The following TBCK variants were observed in gnomAD, a reference collection of about 807,000 sequenced individuals.
TBCK encodes the protein TBC1 domain containing kinase.
A neutral mutation model predicts 113.4 loss-of-function variants in TBCK; 99 were observed. The observed-to-expected ratio is 0.87, with a 90% CI of 0.74 to 1.03. The LOEUF is 1.03. TBCK is among the 50% of genes least tolerant of loss of function. The probability of loss-of-function intolerance (pLI) is 0.00; values close to 1 mark genes in which losing one functional copy is unlikely to be tolerated. For missense variants in TBCK, 1,045 were observed against 1,061.3 expected (o/e 0.98, Z 0.21); for synonymous variants, 369 against 370.8 (o/e 1.00, Z 0.05).
intron 19 of TBCK, among the ~76,000 whole-genome samples, chr4:106,220,587 T>C (rs1020170894): frequency 1.3e-5 from 2 of 151,992 alleles, no homozygotes; most frequent in Non-Finnish European, 2.9e-5. Context: ...CCTCATTTAA[T>C]GTGAACTTTT....
intron 23 of TBCK, among the ~76,000 whole-genome samples, chr4:106,126,122 AC>A (rs1438770498): frequency 3.9e-5 from 6 of 152,304 alleles, no homozygotes; most frequent in Non-Finnish European, 5.9e-5. Flanking sequence ...GAAAGCCACA[AC>A]CTGTGCATTT....
Position 106,046,488 on chromosome 4 carries a change from G to A in TBCK, c.*82C>T. The A allele has an allele frequency of 1.4e-6, 1 of 736,418 alleles. No individual in the cohort carries two copies. The highest frequency in any genetic ancestry group is 1.7e-5 in the South Asian group (1 of 58,060). 45.6% of individuals were successfully genotyped at this position (736,418 alleles called of 1,614,324 possible). A position where few individuals can be genotyped will look rare whatever the true frequency, so the allele number is the denominator to read the frequency against. ...TGCAACAATCTGGACATCTAGTTTT[G>A]TCTGAGAGTGGCGTGGATATGAAGA... On this transcript the variant is annotated 3_prime_UTR_variant, in exon 26 of 26. Coordinates refer to ENST00000394708, the MANE Select transcript of TBCK (RefSeq NM_001163435.3).
chr4:106,115,297 T>C (rs1743355801), intron 24 of TBCK, among the ~76,000 whole-genome samples: 1 of 152,174 alleles, frequency 6.6e-6, no homozygotes, highest in South Asian at 2.1e-4. Context: ...TATTCTGAAC[T>C]GGTAAGTATA....
intron 23 of TBCK, among the ~76,000 whole-genome samples, chr4:106,144,701 G>C (rs1405882091): frequency 6.6e-6 from 1 of 152,058 alleles, no homozygotes; most frequent in African/African-American, 2.4e-5. Flanking sequence ...ATTTTCTCTT[G>C]CTTCTTTACA....
chr4:106,270,430 A>C (rs1763375353), intron 3 of TBCK, among the ~76,000 whole-genome samples: 1 of 152,134 alleles, frequency 6.6e-6, no homozygotes, highest in Non-Finnish European at 1.5e-5. Flanking sequence ...GTGCAAACAC[A>C]CTAGGTAATA....
chr4:106,252,092 T>C (rs1436119301), intron 5 of TBCK, 85 bp from the exon 6 acceptor site: 6 of 1,116,946 alleles, frequency 5.4e-6, no homozygotes, highest in African/African-American at 1.6e-5. Context: ...GTAAGATCTA[T>C]GTAAAAGTCT....
chr4:106,139,778 TA>T (rs1746979411), intron 23 of TBCK, among the ~76,000 whole-genome samples: 1 of 141,130 alleles, frequency 7.1e-6, no homozygotes, highest in African/African-American at 2.5e-5. Context: ...TCTATAACAT[TA>T]AATTGGTTGG....
chr4:106,067,478 G>C (rs1023592877), intron 25 of TBCK, among the ~76,000 whole-genome samples: 1 of 151,958 alleles, frequency 6.6e-6, no homozygotes, highest in Non-Finnish European at 1.5e-5. Flanking sequence ...TCTCTTCAAA[G>C]TGTCCTTTGA....
intron 22 of TBCK, among the ~76,000 whole-genome samples, chr4:106,176,021 T>C (rs985441817): frequency 2.0e-5 from 3 of 152,144 alleles, no homozygotes; most frequent in Non-Finnish European, 4.4e-5. Flanking sequence ...TCTACTTTAC[T>C]GTTATTTTTA....
chr4:106,133,337 C>T (rs1463758619), intron 23 of TBCK, among the ~76,000 whole-genome samples: 1 of 152,136 alleles, frequency 6.6e-6, no homozygotes, highest in Non-Finnish European at 1.5e-5. Context: ...TGACTTTGCT[C>T]CTCATTCACC....
chr4:106,126,992 A>C (rs1333798770), intron 23 of TBCK, among the ~76,000 whole-genome samples: 2 of 151,870 alleles, frequency 1.3e-5, no homozygotes, highest in African/African-American at 2.4e-5. Flanking sequence ...GGCAGATCAC[A>C]AGGTGAGGAG....
At chr4:106,120,653 T>G (rs1315894039) in intron 23 of TBCK, among the ~76,000 whole-genome samples, 1 of 152,198 alleles carries the variant, frequency 6.6e-6, no homozygotes, top group African/African-American at 2.4e-5. Context: ...GGTGGGTCCC[T>G]GACCCCTGAC....
At chr4:106,255,319 T>C (rs1007151962) in intron 5 of TBCK, among the ~76,000 whole-genome samples, 1 of 152,242 alleles carries the variant, frequency 6.6e-6, no homozygotes, top group Non-Finnish European at 1.5e-5. Context: ...CCACTTGGAC[T>C]GGCAGGCTGT....
In TBCK at chr4:106,141,191, A is replaced by C. The variant is rs188240580; in HGVS notation, c.2236-24813T>G. ...TCTAGAGAAAAAGGTGAAGCAATTA[A>C]ATAATAGAAAGATATAAGATGTATA... On this transcript the variant is annotated intron_variant, in intron 23 of 25. Coordinates refer to ENST00000394708, the MANE Select transcript of TBCK (RefSeq NM_001163435.3). Among the ~76,000 whole-genome samples, 384 of 138,460 alleles carry C rather than the reference A, an allele frequency of 2.8e-3. 38 individuals carry two copies. Among genetic ancestry groups the C allele is most frequent in the African/African-American group, 9.1e-3 (364 of 40,018 alleles). 90.8% of individuals were successfully genotyped at this position (138,460 alleles called of 152,430 possible). A position where few individuals can be genotyped will look rare whatever the true frequency, so the allele number is the denominator to read the frequency against.
chr4:106,099,438 G>A (rs1033759778), intron 24 of TBCK, among the ~76,000 whole-genome samples: 3 of 152,132 alleles, frequency 2.0e-5, no homozygotes, highest in South Asian at 2.1e-4. Flanking sequence ...ATTATAATTA[G>A]TATTATAGAC....
Position 106,268,122 on chromosome 4 carries a change from C to T in TBCK, c.267-5910G>A, listed in dbSNP as rs141764019. 5.7e-3 allele frequency among the ~76,000 whole-genome samples: 865 copies of T among 152,128 alleles called. 10 individuals carry two copies. Among genetic ancestry groups the T allele is most frequent in the African/African-American group, 0.02 (835 of 41,540 alleles). ...GACCTTGGGGTCCCTGTTCTCTAAG[C>T]CTCCTCTGTTACCCCAGCCAAGTGG... On this transcript the variant is annotated intron_variant, in intron 3 of 25. Coordinates refer to ENST00000394708, the MANE Select transcript of TBCK (RefSeq NM_001163435.3).
chr4:106,300,168 C>T (rs564602692), intron 2 of TBCK, among the ~76,000 whole-genome samples: 1 of 152,278 alleles, frequency 6.6e-6, no homozygotes, highest in South Asian at 2.1e-4. Context: ...TGACTTGCTC[C>T]TCCTTGCCTT....
intron 20 of TBCK, among the ~76,000 whole-genome samples, chr4:106,197,511 A>AT (rs1198521663): frequency 6.6e-5 from 10 of 151,080 alleles, no homozygotes; most frequent in Non-Finnish European, 8.8e-5. Flanking sequence ...AGAAGAGTTC[A>AT]TTTTTTCACT....
chr4:106,293,939 G>C (rs748805890), intron 3 of TBCK, among the ~76,000 whole-genome samples: 1 of 152,016 alleles, frequency 6.6e-6, no homozygotes, highest in Non-Finnish European at 1.5e-5. Flanking sequence ...AGGTCACTTC[G>C]GGAAATCTGT....
Sources: gnomAD v4.1 joint callset for allele counts (sites outside exome capture counted in the v4.1 genomes callset) on GRCh38, gnomAD v4.1.1 for gene constraint, MANE v1.5 for transcripts, NCBI Gene and HGNC (gene_info 2026-07-23, HGNC 2026-07-21) for gene names.